Variants in IBTK observed in about 807,000 individuals in gnomAD.
IBTK encodes inhibitor of Bruton tyrosine kinase.
A neutral mutation model predicts 154.9 loss-of-function variants in IBTK; 83 were observed. That is an observed-to-expected ratio of 0.54 (90% CI 0.45 to 0.64). The LOEUF (loss-of-function observed/expected upper bound fraction) is 0.64. Among genes scored for constraint, IBTK ranks in the 30% least tolerant of loss-of-function variants. The pLI, the probability that IBTK is intolerant of heterozygous loss-of-function variation, is 0.00. For missense variants in IBTK, 1,332 were observed against 1,584.6 expected, an observed-to-expected ratio of 0.84 and a Z score of 2.71; for synonymous variants, 515 against 536.1, an observed-to-expected ratio of 0.96 and a Z score of 0.54.
chr6:82,190,085 T>G (rs1383526927), intron 25 of IBTK, among the ~76,000 whole-genome samples: 3 of 152,196 alleles, frequency 2.0e-5, no homozygotes, highest in African/African-American at 7.2e-5. Context: ...TTTACCCTCT[T>G]TTCTCTTTTC....
intron 22 of IBTK, among the ~76,000 whole-genome samples, chr6:82,194,849 T>G (rs1768921108): frequency 6.6e-6 from 1 of 152,188 alleles, no homozygotes; most frequent in Admixed American, 6.5e-5. Context: ...ACTGAATTAT[T>G]ATGAGCTTTG....
In IBTK at chr6:82,194,640, C is replaced by T. The variant is rs754112848; in HGVS notation, c.3177G>A (p.Ala1059=). The T allele has an allele frequency of 3.7e-5, 58 of 1,566,746 alleles. No individual in the cohort carries two copies. Among genetic ancestry groups the T allele is most frequent in the African/African-American group, 3.3e-4 (24 of 72,566 alleles). Residue 1059 remains alanine, a splice_region_variant and synonymous_variant, in exon 23 of 29, where the codon GCG becomes GCA. Transcript: ENST00000306270. ...TTGFHSDKIE[A]KVKPYVNGTS... is the part of the protein sequence containing the mutation. ...TACCATTAACATACGGTTTGACTTT[C>T]GCCTGGGGAGAGAAAAAAAATAAAA...
At chr6:82,198,446 G>T (rs946528616) in intron 21 of IBTK, among the ~76,000 whole-genome samples, 3 of 151,768 alleles carry the variant, frequency 2.0e-5, no homozygotes, top group Non-Finnish European at 4.4e-5. Context: ...TAAATTTTAG[G>T]CATATTATCT....
At chr6:82,221,194 C>G (rs868677771) in intron 8 of IBTK, among the ~76,000 whole-genome samples, 1 of 152,026 alleles carries the variant, frequency 6.6e-6, no homozygotes, top group Non-Finnish European at 1.5e-5. Flanking sequence ...CATGGTGATG[C>G]GCCCCTGTAG....
intron 25 of IBTK, among the ~76,000 whole-genome samples, chr6:82,190,338 C>T (rs1334534563): frequency 6.9e-6 from 1 of 144,564 alleles, no homozygotes; most frequent in African/African-American, 2.6e-5. Context: ...CAAGATCCTC[C>T]CCAGTCCTTG....
intron 5 of IBTK, among the ~76,000 whole-genome samples, chr6:82,226,505 G>C (rs1005593038): frequency 4.0e-5 from 6 of 151,886 alleles, no homozygotes; most frequent in African/African-American, 1.4e-4. Flanking sequence ...GAAAATACTG[G>C]CTCAATTTTT....
rs749118323 is a variant in IBTK, at chr6:82,214,368, C to T, written c.2063G>A (p.Ser688Asn). ...NQKSAFEVYK[S>N]NQAQTVSERQ... is the part of the protein sequence containing the mutation. ...CTCACTAACTGTTTGAGCTTGATTA[C>T]TTTTGTAAACTTCAAATGCAGACTT... Residue 688 changes from serine to asparagine, a missense_variant, in exon 12 of 29, where the codon AGT becomes AAT. Coordinates refer to ENST00000306270, the MANE Select transcript of IBTK (RefSeq NM_015525.4). 1 of 1,613,916 alleles carries T rather than the reference C, an allele frequency of 6.2e-7. No homozygotes were observed. The highest frequency in any genetic ancestry group is 8.5e-7 in the Non-Finnish European group (1 of 1,180,004).
chr6:82,197,391 GAC>G (rs1246047967), intron 21 of IBTK, among the ~76,000 whole-genome samples: 2 of 80,002 alleles, frequency 2.5e-5, no homozygotes, highest in Admixed American at 1.3e-4. Flanking sequence ...TTTTTTTTGA[GAC>G]AGAGTCTTAC....
intron 9 of IBTK, among the ~76,000 whole-genome samples, chr6:82,218,534 T>G (rs1273023979): frequency 6.6e-6 from 1 of 152,124 alleles, no homozygotes; most frequent in African/African-American, 2.4e-5. Context: ...CCTATGAAAA[T>G]CCAAACTTTA....
At chr6:82,175,405 T>C (rs1254543657) in intron 26 of IBTK, among the ~76,000 whole-genome samples, 1 of 152,198 alleles carries the variant, frequency 6.6e-6, no homozygotes, top group African/African-American at 2.4e-5. Context: ...TATAATGTTA[T>C]ACTGAATCTC....
At chr6:82,214,162 G>T (rs1769768972) in intron 12 of IBTK, 65 bp downstream of exon 12, 2 of 1,450,540 alleles carry the variant, frequency 1.4e-6, no homozygotes, top group Non-Finnish European at 1.9e-6. Flanking sequence ...TCACAGTAAG[G>T]GTGGGAAATT....
At chr6:82,220,845 T>TTTGG in intron 8 of IBTK, 132 bp from the exon 9 acceptor site, 1 of 750,426 alleles carries the variant, frequency 1.3e-6, no homozygotes, top group Admixed American at 3.2e-5. Flanking sequence ...TGATTTGGTC[T>TTTGG]TTGGTATCTC....
intron 25 of IBTK, among the ~76,000 whole-genome samples, chr6:82,185,240 T>C (rs1288039192): frequency 2.8e-5 from 4 of 144,818 alleles, no homozygotes; most frequent in African/African-American, 5.1e-5. Flanking sequence ...ATACATTCTA[T>C]AAATAACAAT....
rs779365001 is a variant in IBTK at position 82,214,746 on chromosome 6, C to T, written c.1685G>A (p.Ser562Asn). Residue 562 changes from serine to asparagine, a missense_variant, in exon 12 of 29, where the codon AGC becomes AAC. Ser to Asn is a conservative substitution (Grantham distance 46). Around this residue, in one of 3 missense-constraint regions of IBTK, gnomAD observed 1,134 missense variants for 1,274.7 expected, o/e 0.89. Coordinates refer to ENST00000306270, the MANE Select transcript of IBTK (RefSeq NM_015525.4). ...KLLREADEMDSIHDVTFQVGN... is the reference protein window; with the variant it reads ...KLLREADEMDNIHDVTFQVGN... ...AACTTGAAATGTCACATCATGAATG[C>T]TGTCCATTTCATCTGCTTCCCTCAA... 6.2e-7 allele frequency: 1 copy of T among 1,614,004 alleles called. No individual in the cohort carries two copies. Among genetic ancestry groups the T allele is most frequent in the South Asian group, 1.1e-5 (1 of 91,076 alleles).
At chr6:82,236,847 A>G (rs190039093) in intron 2 of IBTK, among the ~76,000 whole-genome samples, 80 of 152,328 alleles carry the variant, frequency 5.3e-4, no homozygotes, top group Non-Finnish European at 4.4e-5. Context: ...GTAAAAAAAT[A>G]TGCTGAACAA....
chr6:82,179,697 G>A (rs776608316), intron 26 of IBTK, among the ~76,000 whole-genome samples: 6 of 152,092 alleles, frequency 3.9e-5, no homozygotes, highest in Non-Finnish European at 5.9e-5. Flanking sequence ...AATCAATTAC[G>A]GACTGATTGG....
At chr6:82,200,497 G>A in intron 20 of IBTK, 90 bp downstream of exon 20, 1 of 1,161,992 alleles carries the variant, frequency 8.6e-7, no homozygotes, top group Non-Finnish European at 1.2e-6. Context: ...ACACAAAAGT[G>A]TCATATGTCC....
In IBTK at chr6:82,213,033, CTT is replaced by C. The variant is rs11367840; in HGVS notation, c.2205-242_2205-241del. Among the ~76,000 whole-genome samples, 906 of 146,512 alleles carry C rather than the reference CTT, an allele frequency of 6.2e-3. 40 individuals are homozygous for C. Among genetic ancestry groups the C allele is most frequent in the Admixed American group, 0.053 (776 of 14,674 alleles). ...TCAAAGCCATAGCACAAAGTTTTTC[CTT>C]TTTTTTTTTTGAGACGAAGCCTCGC... On this transcript the variant is annotated intron_variant, in intron 12 of 28. Coordinates refer to ENST00000306270, the MANE Select transcript of IBTK (RefSeq NM_015525.4).
intron 2 of IBTK, among the ~76,000 whole-genome samples, chr6:82,237,991 C>A (rs1306000812): frequency 6.6e-6 from 1 of 152,056 alleles, no homozygotes; most frequent in Non-Finnish European, 1.5e-5. Context: ...CACCTGTAAT[C>A]CCTGCACTTT....
Sources: gnomAD v4.1 joint callset for allele counts (sites outside exome capture counted in the v4.1 genomes callset) on GRCh38, gnomAD v4.1.1 for gene constraint, gnomAD v4.1.1 regional missense constraint, MANE v1.5 for transcripts, NCBI Gene and HGNC (gene_info 2026-07-23, HGNC 2026-07-21) for gene names.